ADGRB1: variants seen among roughly 807,000 people sequenced by gnomAD.
ADGRB1 encodes the protein brain-specific angiogenesis inhibitor 1.
Under a neutral mutation model 175.7 loss-of-function variants are expected in ADGRB1, and 36 were observed. The observed-to-expected ratio is 0.20, with a 90% confidence interval of 0.16 to 0.27. The LOEUF is 0.27. ADGRB1 is among the 10% of genes least tolerant of loss of function. ADGRB1 has a pLI of 1.00. For synonymous variants in ADGRB1, 1,054 were observed against 979.4 expected (o/e 1.08, Z -1.42); for missense variants, 1,731 against 2,255.3 (o/e 0.77, Z 4.71).
At chr8:142,526,397 G>A (rs1354061950) in intron 23 of ADGRB1, 145 bp from the exon 24 acceptor site, 3 of 716,442 alleles carry the variant, frequency 4.2e-6, no homozygotes, top group Non-Finnish European at 7.4e-6. Context: ...TCAGGCACTG[G>A]GGTTCCTGTG....
chr8:142,473,102 C>T (rs1840751818), intron 2 of ADGRB1, among the ~76,000 whole-genome samples: 1 of 152,164 alleles, frequency 6.6e-6, no homozygotes, highest in African/African-American at 2.4e-5. Context: ...TGAGGCCTAA[C>T]CTGGGTCTCT....
chr8:142,531,475 G>T (rs1483511999), intron 24 of ADGRB1, among the ~76,000 whole-genome samples: 1 of 152,228 alleles, frequency 6.6e-6, no homozygotes, highest in Non-Finnish European at 1.5e-5. Context: ...GCAGGGGCAG[G>T]CTCTCCAGGG....
chr8:142,535,981 T>C (rs1021705981), intron 25 of ADGRB1, among the ~76,000 whole-genome samples: 1 of 152,136 alleles, frequency 6.6e-6, no homozygotes, highest in Non-Finnish European at 1.5e-5. Context: ...CTCGCCCGCT[T>C]TGGGCCTCGG....
At chr8:142,501,470 G>A (rs547055495) in intron 17 of ADGRB1, among the ~76,000 whole-genome samples, 4 of 144,910 alleles carry the variant, frequency 2.8e-5, no homozygotes, top group Non-Finnish European at 6.0e-5. Context: ...AGGTGGGGTG[G>A]TGGTGGTGAT....
At chr8:142,527,287 G>A (rs1013744163) in intron 24 of ADGRB1, among the ~76,000 whole-genome samples, 1 of 152,106 alleles carries the variant, frequency 6.6e-6, no homozygotes, top group Non-Finnish European at 1.5e-5. Flanking sequence ...TGGTCCTCCC[G>A]CCCCTCACCT....
chr8:142,543,761 G>A lies in ADGRB1; in HGVS notation c.4557+53G>A, dbSNP rs933866390. ...GGGAGAGCCCTTAGGTCAGGCCACCGTCTCCCTTCTTCCCTGGATTTGTGC... is the reference window on the plus strand; with the variant it reads ...GGGAGAGCCCTTAGGTCAGGCCACCATCTCCCTTCTTCCCTGGATTTGTGC... On this transcript the variant is annotated intron_variant, in intron 30 of 30. Transcript: ENST00000517894. The surrounding 1 kb of genome is among the most constrained non-coding windows in gnomAD (Gnocchi z 4.4). 2.7e-5 allele frequency: 39 copies of A among 1,460,966 alleles called. No homozygotes were observed. In the East Asian group the frequency reaches 3.2e-4, roughly 12 times the overall value. The allele number at this position is 1,460,966 out of a possible 1,614,324, so 90.5% of individuals were successfully genotyped here. A position where few individuals can be genotyped will look rare whatever the true frequency, so the allele number is the denominator to read the frequency against.
intron 24 of ADGRB1, among the ~76,000 whole-genome samples, chr8:142,529,351 T>C (rs1587422331): frequency 6.6e-6 from 1 of 152,142 alleles, no homozygotes; most frequent in Admixed American, 6.5e-5. Context: ...TGTGTGTGTG[T>C]GTGTGCCCAT....
At chr8:142,528,034 T>C (rs1844320375) in intron 24 of ADGRB1, among the ~76,000 whole-genome samples, 1 of 152,144 alleles carries the variant, frequency 6.6e-6, no homozygotes, top group Non-Finnish European at 1.5e-5. Flanking sequence ...CAGACTCGCC[T>C]GTGTGGCCGT....
At chr8:142,513,669 C>T (rs186288454) in intron 18 of ADGRB1, among the ~76,000 whole-genome samples, 1 of 152,156 alleles carries the variant, frequency 6.6e-6, no homozygotes, top group African/African-American at 2.4e-5. Context: ...GGTGCATGGC[C>T]ACAGCCTTCT....
chr8:142,483,648 TCACACTGAGCCCTGATCCTGGTCA>T (rs1563700011), intron 11 of ADGRB1, among the ~76,000 whole-genome samples: 1 of 147,110 alleles, frequency 6.8e-6, no homozygotes, highest in African/African-American at 2.6e-5. Flanking sequence ...CTGACCCTGG[TCACACTGAGCCCTGATCCTGGTCA>T]CACACTGAGC....
At position 142,518,179 on chromosome 8, in the gene ADGRB1, G is replaced by A. The variant is rs1185111770; in HGVS notation, c.2859G>A (p.Val953=). 2 of 1,613,684 alleles carry A rather than the reference G, an allele frequency of 1.2e-6. No homozygotes were observed. Among genetic ancestry groups the A allele is most frequent in the African/African-American group, 1.3e-5 (1 of 74,914 alleles). ...CTCTGCCGTCGGTGACGCTCATCGTGGGCTGTGGCGTGTCCTCTCTCACCC... is the reference window on the plus strand; with the variant it reads ...CTCTGCCGTCGGTGACGCTCATCGTAGGCTGTGGCGTGTCCTCTCTCACCC... ...KATLPSVTLI[V]GCGVSSLTLL... is the part of the protein sequence containing the mutation. Residue 953 remains valine, a synonymous_variant, in exon 19 of 31, where the codon GTG becomes GTA. Transcript: ENST00000517894.
rs1488768705 is a variant in ADGRB1 at position 142,461,473 on chromosome 8, G to C, written c.-219-2507G>C. On this transcript the variant is annotated intron_variant, in intron 1 of 30. Transcript: ENST00000517894. ...CGTCGTGGCCAGCTGGGCTTATGAG[G>C]CTGCGCTCCCCTTCCAGGCTGCCAG... Among the ~76,000 whole-genome samples, 5 of 152,226 alleles carry C rather than the reference G, an allele frequency of 3.3e-5. No individual in the cohort carries two copies. The South Asian group carries it at 8.3e-4, about 25-fold the overall frequency.
rs1212315729 is a variant in ADGRB1, at chr8:142,544,560, ACAGGGCCCGCAG to A, written c.*144_*155del. 18 of 1,009,390 alleles carry A rather than the reference ACAGGGCCCGCAG, an allele frequency of 1.8e-5. No individual in the cohort carries two copies. Among genetic ancestry groups the A allele is most frequent in the Non-Finnish European group, 2.4e-5 (18 of 746,996 alleles). The allele number at this position is 1,009,390 out of a possible 1,614,324, so 62.5% of individuals were successfully genotyped here. A position where few individuals can be genotyped will look rare whatever the true frequency, so the allele number is the denominator to read the frequency against. ...CAGGGCGCTCAGACGGCGGCCAGGC[ACAGGGCCCGCAG>A]TGCTGGGACCAGAGCCAGATGCAGG... On this transcript the variant is annotated 3_prime_UTR_variant, in exon 31 of 31. Transcript: ENST00000517894.
intron 18 of ADGRB1, among the ~76,000 whole-genome samples, chr8:142,514,557 G>A (rs2132064712): frequency 1.3e-5 from 2 of 152,308 alleles, no homozygotes; most frequent in South Asian, 2.1e-4. Context: ...GTTGTTGTTG[G>A]CATGACTTCT....
In ADGRB1 at chr8:142,504,710, A is replaced by G. The variant is rs1265741587; in HGVS notation, c.2676-6222A>G. On this transcript the variant is annotated intron_variant, in intron 17 of 30. Coordinates refer to ENST00000517894, the MANE Select transcript of ADGRB1 (RefSeq NM_001702.3). This position sits in a 1 kb window ranked among gnomAD's most constrained non-coding sequence, Gnocchi z 5.6. Reference sequence around the variant, plus strand: ...GCCAGGCACTCCTGATGGATGAAGCATGACTAAGGGGCTTGTACCTAGGGG... The same window carrying G: ...GCCAGGCACTCCTGATGGATGAAGCGTGACTAAGGGGCTTGTACCTAGGGG... Among the ~76,000 whole-genome samples, 1 of 152,088 alleles carries G rather than the reference A, an allele frequency of 6.6e-6. No individual in the cohort carries two copies.
At chr8:142,544,154 C>A in intron 30 of ADGRB1, 66 bp from the exon 31 acceptor site, 1 of 1,509,722 alleles carries the variant, frequency 6.6e-7, no homozygotes, top group Non-Finnish European at 8.9e-7. Context: ...CTCCTCCCCC[C>A]TACTCCTCGG....
intron 1 of ADGRB1, among the ~76,000 whole-genome samples, chr8:142,460,077 G>T (rs530409670): frequency 3.4e-5 from 5 of 148,426 alleles, no homozygotes; most frequent in Admixed American, 1.3e-4. Flanking sequence ...GGCCTGGCGT[G>T]GGGGGGACAG....
chr8:142,538,668 C>A (rs1046327763), intron 26 of ADGRB1, among the ~76,000 whole-genome samples: 4 of 152,196 alleles, frequency 2.6e-5, no homozygotes, highest in African/African-American at 9.7e-5. Context: ...TCCTGAGCTC[C>A]CTGAGGGCGG....
At chr8:142,469,668 T>A (rs531008363) in intron 2 of ADGRB1, among the ~76,000 whole-genome samples, 123 of 151,248 alleles carry the variant, frequency 8.1e-4, no homozygotes, top group African/African-American at 2.8e-3. Flanking sequence ...AGTGCGTGTG[T>A]GTGCACGTGA....
Sources: allele counts gnomAD v4.1 joint callset (sites outside exome capture counted in the v4.1 genomes callset), GRCh38; gene constraint gnomAD v4.1.1; non-coding constraint Gnocchi (gnomAD v3.1); transcripts MANE v1.5; gene names NCBI Gene and HGNC (gene_info 2026-07-23, HGNC 2026-07-21).